The following MICU1 variants were observed in gnomAD, a reference collection of about 807,000 sequenced individuals.
MICU1 encodes the protein calcium uptake protein 1, mitochondrial.
MICU1 carries 45 observed loss-of-function variants against 56.8 expected under a neutral mutation model. The observed-to-expected ratio is 0.79, with a 90% CI of 0.62 to 1.02. MICU1 has a LOEUF of 1.02. Among genes scored for constraint, MICU1 ranks in the 50% least tolerant of loss-of-function variants. The pLI, the probability that MICU1 is intolerant of heterozygous loss-of-function variation, is 0.00. For synonymous variants in MICU1, 186 were observed against 195.1 expected, an observed-to-expected ratio of 0.95 and a Z score of 0.39; for missense variants, 504 against 587.1, an observed-to-expected ratio of 0.86 and a Z score of 1.46.
chr10:72,435,804 G>A (rs879670822), intron 8 of MICU1, among the ~76,000 whole-genome samples: 2 of 152,252 alleles, frequency 1.3e-5, no homozygotes, highest in East Asian at 1.9e-4. Flanking sequence ...AGCAGTCTGC[G>A]ATCGAACTGC....
chr10:72,564,206 T>C (rs1840368678), intron 2 of MICU1, among the ~76,000 whole-genome samples: 1 of 152,128 alleles, frequency 6.6e-6, no homozygotes, highest in Non-Finnish European at 1.5e-5. Flanking sequence ...ATATATCAAA[T>C]GACTGCTTTC....
At chr10:72,412,626 C>T (rs530697547) in intron 9 of MICU1, among the ~76,000 whole-genome samples, 3 of 147,182 alleles carry the variant, frequency 2.0e-5, no homozygotes, top group Non-Finnish European at 3.0e-5. Flanking sequence ...CGAGGCGGCT[C>T]GATCACCTGA....
At chr10:72,495,650 T>C (rs1435546738) in intron 6 of MICU1, among the ~76,000 whole-genome samples, 3 of 108,566 alleles carry the variant, frequency 2.8e-5, no homozygotes, top group Admixed American at 1.0e-4. Flanking sequence ...AGTGAACCTC[T>C]GTCTCAAAAA....
chr10:72,520,279 G>A (rs1867778207), intron 5 of MICU1, among the ~76,000 whole-genome samples: 1 of 152,058 alleles, frequency 6.6e-6, no homozygotes, highest in Admixed American at 6.6e-5. Context: ...TGATGCCAAA[G>A]CCTTGGTAAA....
intron 6 of MICU1, among the ~76,000 whole-genome samples, chr10:72,479,315 T>A (rs936471802): frequency 2.0e-5 from 3 of 152,184 alleles, no homozygotes; most frequent in Non-Finnish European, 4.4e-5. Flanking sequence ...AAACACACAC[T>A]CTTCATGCTG....
At chr10:72,423,191 C>T (rs979409388) in intron 9 of MICU1, 43 bp downstream of exon 9, 16 of 1,595,196 alleles carry the variant, frequency 1.0e-5, no homozygotes, top group Admixed American at 1.8e-5. Flanking sequence ...AATAACCATA[C>T]ATTACCACGG....
intron 4 of MICU1, among the ~76,000 whole-genome samples, chr10:72,537,513 T>C (rs1402170610): frequency 6.6e-6 from 1 of 152,216 alleles, no homozygotes; most frequent in Non-Finnish European, 1.5e-5. Flanking sequence ...TATGTTGTTT[T>C]CACTGAGATG....
At chr10:72,591,844 T>G (rs942531603) in intron 1 of MICU1, among the ~76,000 whole-genome samples, 5 of 151,814 alleles carry the variant, frequency 3.3e-5, no homozygotes, top group African/African-American at 9.7e-5. Context: ...AAACCCCATC[T>G]CTACCAAAAA....
chr10:72,383,245 C>CAA lies in MICU1; in HGVS notation c.1181-7375_1181-7374dup, dbSNP rs56293812. On this transcript the variant is annotated intron_variant, in intron 10 of 11. Coordinates refer to ENST00000361114, the MANE Select transcript of MICU1 (RefSeq NM_001195518.2). ...TAGGCAACAGAGCAAGACCCTGTCT[C>CAA]AAAAAAAAAAAAAAAAAGATGTTTT... Among the ~76,000 whole-genome samples, 260 of 119,050 alleles carry CAA rather than the reference C, an allele frequency of 2.2e-3. 1 individual carries two copies. Among genetic ancestry groups the CAA allele is most frequent in the Non-Finnish European group, 2.6e-3 (157 of 60,670 alleles). 78.1% of individuals were successfully genotyped at this position (119,050 alleles called of 152,430 possible).
intron 1 of MICU1, among the ~76,000 whole-genome samples, chr10:72,580,379 C>A (rs937075133): frequency 1.4e-4 from 22 of 152,172 alleles, no homozygotes; most frequent in African/African-American, 5.3e-4. Flanking sequence ...TAAACCATTT[C>A]AATACTTTTC....
chr10:72,377,126 CTT>C (rs71018280), intron 10 of MICU1, among the ~76,000 whole-genome samples: 2 of 148,336 alleles, frequency 1.3e-5, no homozygotes, highest in Non-Finnish European at 1.5e-5. Flanking sequence ...GCGTATCTTT[CTT>C]TTTTTTTTTG....
rs1841468517 is a variant in MICU1 at position 72,599,591 on chromosome 10, A to C, written c.-2+26419T>G. Among the ~76,000 whole-genome samples, 4 of 152,190 alleles carry C rather than the reference A, an allele frequency of 2.6e-5. No individual in the cohort carries two copies. In the South Asian group the frequency reaches 8.3e-4, roughly 31 times the overall value. On this transcript the variant is annotated intron_variant, in intron 1 of 11. Coordinates refer to ENST00000361114, the MANE Select transcript of MICU1 (RefSeq NM_001195518.2). ...TTATTTTACTTAATAAAGGCCCTAAAGCCCAAGAGTAGTGATGCTAGCAAT... is the reference window on the plus strand; with the variant it reads ...TTATTTTACTTAATAAAGGCCCTAACGCCCAAGAGTAGTGATGCTAGCAAT...
intron 8 of MICU1, among the ~76,000 whole-genome samples, chr10:72,460,192 G>T (rs1249503822): frequency 6.6e-6 from 1 of 152,038 alleles, no homozygotes; most frequent in East Asian, 1.9e-4. Context: ...TTCATGACCT[G>T]GCTACTGCAT....
intron 1 of MICU1, among the ~76,000 whole-genome samples, chr10:72,590,526 ACAGGTCGGGTG>A (rs1841192907): frequency 6.6e-6 from 1 of 152,082 alleles, no homozygotes; most frequent in African/African-American, 2.4e-5. Flanking sequence ...AAAACAGAAG[ACAGGTCGGGTG>A]CAGTGGCTCA....
intron 8 of MICU1, among the ~76,000 whole-genome samples, chr10:72,452,873 G>A (rs1375764600): frequency 1.3e-5 from 2 of 151,542 alleles, no homozygotes; most frequent in Non-Finnish European, 3.0e-5. Flanking sequence ...GATCTGCCCC[G>A]TCGAGTCCTC....
At chr10:72,499,099 A>C (rs576047380) in intron 6 of MICU1, among the ~76,000 whole-genome samples, 1 of 152,318 alleles carries the variant, frequency 6.6e-6, no homozygotes, top group Non-Finnish European at 1.5e-5. Context: ...AAGGGTAAAA[A>C]ATTATAAAAT....
At chr10:72,533,287 G>A (rs960007204) in intron 5 of MICU1, 11 of 485,556 alleles carry the variant, frequency 2.3e-5, no homozygotes, top group Non-Finnish European at 3.5e-5. Flanking sequence ...TAAGTATAGT[G>A]CAAACTTATA....
At chr10:72,421,287 G>T (rs552357378) in intron 9 of MICU1, among the ~76,000 whole-genome samples, 1 of 149,732 alleles carries the variant, frequency 6.7e-6, no homozygotes, top group Non-Finnish European at 1.5e-5. Flanking sequence ...ATAGAGTTTC[G>T]TTCTTTCTCC....
chr10:72,623,366 G>C (rs1473660352), intron 1 of MICU1, among the ~76,000 whole-genome samples: 3 of 87,092 alleles, frequency 3.4e-5, no homozygotes, highest in Admixed American at 1.9e-4. Context: ...GAAAGAAAGG[G>C]AGAAGAAAGA....
Sources: gnomAD v4.1 joint callset for allele counts (sites outside exome capture counted in the v4.1 genomes callset) on GRCh38, gnomAD v4.1.1 for gene constraint, MANE v1.5 for transcripts, NCBI Gene and HGNC (gene_info 2026-07-23, HGNC 2026-07-21) for gene names.